Variants in TSPAN1 observed in about 807,000 individuals in gnomAD.
TSPAN1 encodes tetraspanin-1.
Under a neutral mutation model 26.9 loss-of-function variants are expected in TSPAN1, and 23 were observed. That is an observed-to-expected ratio of 0.85 (90% confidence interval 0.62 to 1.21). The LOEUF is 1.21. Ranked by LOEUF, TSPAN1 falls within the 50% of genes most tolerant of loss-of-function variation. The pLI is 0.00. For missense variants in TSPAN1, 283 were observed against 298.4 expected, an observed-to-expected ratio of 0.95 and a Z score of 0.38; for synonymous variants, 115 against 114.8, an observed-to-expected ratio of 1.00 and a Z score of -0.01.
the TSPAN1 span, chr1:46,195,697 T>G: frequency 1.0e-6 from 1 of 982,734 alleles, no homozygotes; most frequent in Non-Finnish European, 1.6e-6. Flanking sequence ...GGAACCTGAG[T>G]AACCTTCCTT....
At chr1:46,189,862 G>A (rs537349651), downstream of TSPAN1, 1 of 1,613,788 alleles carries the variant, frequency 6.2e-7, no homozygotes, top group Non-Finnish European at 8.5e-7. Flanking sequence ...ACCTTGGCAA[G>A]CTGGGTCCAG....
At chr1:46,181,078 C>T (rs759020264) in intron 2 of TSPAN1, 22 bp from the exon 3 acceptor site, 3 of 1,612,588 alleles carry the variant, frequency 1.9e-6, no homozygotes, top group Non-Finnish European at 2.5e-6. Flanking sequence ...AAGGCCCTAA[C>T]TTGCACATGT....
chr1:46,189,687 G>A, downstream of TSPAN1: 2 of 1,539,206 alleles, frequency 1.3e-6, no homozygotes, highest in South Asian at 1.2e-5. Flanking sequence ...GTAAGAGATA[G>A]CATCTTTTAG....
the TSPAN1 span, chr1:46,193,680 C>T: frequency 2.5e-6 from 4 of 1,613,222 alleles, no homozygotes; most frequent in East Asian, 2.2e-5. Flanking sequence ...TTCATCACCC[C>T]TCAACTCAGG....
At chr1:46,176,051 A>AT (rs747066546) in intron 1 of TSPAN1, among the ~76,000 whole-genome samples, 1 of 151,604 alleles carries the variant, frequency 6.6e-6, no homozygotes, top group South Asian at 2.1e-4. Context: ...TTTTTTTTGT[A>AT]TTTTTAGTAG....
chr1:46,194,184 G>A, the TSPAN1 span: 1 of 1,608,586 alleles, frequency 6.2e-7, no homozygotes. Context: ...CCCAGGCTCA[G>A]GTAGGGAAAG....
At position 46,185,476 on chromosome 1, in the gene TSPAN1, C is replaced by T. The variant is rs1215044943; in HGVS notation, c.679-10C>T. 6.2e-7 allele frequency: 1 copy of T among 1,614,184 alleles called. No individual in the cohort carries two copies. The highest frequency in any genetic ancestry group is 1.7e-5 in the Admixed American group (1 of 60,022). On this transcript the variant is annotated splice_polypyrimidine_tract_variant and intron_variant, in intron 8 of 8. Transcript: ENST00000372003. ...TGTTCCCTCATCTCTCCCTGTTCCT[C>T]CCTCTCCAGCTGGCTGCCATGATTG...
chr1:46,193,154 G>A, the TSPAN1 span: 1 of 1,614,112 alleles, frequency 6.2e-7, no homozygotes, highest in Non-Finnish European at 8.5e-7. Context: ...AGGCCCAAGA[G>A]TTGTATCCTT....
At chr1:46,192,303 G>T in the TSPAN1 span, 1 of 1,614,170 alleles carries the variant, frequency 6.2e-7, no homozygotes, top group South Asian at 1.1e-5. Context: ...TACCCTGACA[G>T]TTACCTTTTC....
chr1:46,188,912 C>A (rs1330908649), downstream of TSPAN1: 1 of 1,612,838 alleles, frequency 6.2e-7, no homozygotes, highest in Non-Finnish European at 8.5e-7. Flanking sequence ...GAAATCCAGG[C>A]CCTCCAGGTT....
chr1:46,182,651 A>C (rs998070023), intron 3 of TSPAN1, among the ~76,000 whole-genome samples: 53 of 152,206 alleles, frequency 3.5e-4, no homozygotes, highest in Non-Finnish European at 5.1e-4. Flanking sequence ...CGGAGGTTGC[A>C]GTGAGCCAAG....
intron 1 of TSPAN1, among the ~76,000 whole-genome samples, chr1:46,179,653 A>G (rs575372416): frequency 5.9e-5 from 9 of 152,276 alleles, no homozygotes; most frequent in African/African-American, 2.2e-4. Context: ...CAGCCCCACT[A>G]GGAGTAACAA....
At chr1:46,196,049 C>A in the TSPAN1 span, 1 of 1,613,962 alleles carries the variant, frequency 6.2e-7, no homozygotes, top group Non-Finnish European at 8.5e-7. This position sits in a 1 kb window ranked among gnomAD's most constrained non-coding sequence, Gnocchi z 4.4. Flanking sequence ...GATGCCCCGG[C>A]CCTGCTCCCG....
At position 46,179,964 on chromosome 1, in the gene TSPAN1, AGTGT is replaced by A. The variant is rs141816531; in HGVS notation, c.-141-541_-141-538del. Among the ~76,000 whole-genome samples the A allele has an allele frequency of 5.1e-3, 749 of 146,868 alleles. 3 individuals carry two copies. Among genetic ancestry groups the A allele is most frequent in the African/African-American group, 0.016 (656 of 39,822 alleles). Reference sequence around the variant, plus strand: ...GAGAGACAGAGAAAGAGAAAGAGGGAGTGTGTGTGTGTGTGTGTGTGTGTTTGTG... The same window carrying A: ...GAGAGACAGAGAAAGAGAAAGAGGGAGTGTGTGTGTGTGTGTGTGTTTGTG... On this transcript the variant is annotated intron_variant, in intron 1 of 8. Transcript: ENST00000372003.
At chr1:46,190,592 G>A (rs1657687426), downstream of TSPAN1, 6 of 1,532,814 alleles carry the variant, frequency 3.9e-6, no homozygotes, top group Non-Finnish European at 5.4e-6. Flanking sequence ...AGCAGGGCAA[G>A]GGGTCACATG....
At chr1:46,184,519 C>CG (rs35321971) in intron 4 of TSPAN1, 75 bp from the exon 5 acceptor site, 174,325 of 1,557,018 alleles carry the variant, frequency 0.11, 7,637 homozygotes, top group Admixed American at 0.27. Flanking sequence ...CTCACTTTTC[C>CG]GGGGGGGGGA....
the TSPAN1 span, chr1:46,194,685 C>T: frequency 1.2e-6 from 2 of 1,614,252 alleles, no homozygotes; most frequent in East Asian, 2.2e-5. Flanking sequence ...CCATGGGGGC[C>T]CAGACACCAG....
At chr1:46,187,819 C>A (rs1031240454), downstream of TSPAN1, among the ~76,000 whole-genome samples, 2 of 152,132 alleles carry the variant, frequency 1.3e-5, no homozygotes, top group Admixed American at 6.5e-5. Flanking sequence ...TATGTCCAAG[C>A]GACATACCAC....
At chr1:46,190,390 C>G (rs1172162413), downstream of TSPAN1, 5 of 1,496,500 alleles carry the variant, frequency 3.3e-6, no homozygotes, top group African/African-American at 1.4e-5. Context: ...TCATTTTGCA[C>G]AGGACCCTGT....
Sources: allele counts gnomAD v4.1 joint callset (sites outside exome capture counted in the v4.1 genomes callset), GRCh38; gene constraint gnomAD v4.1.1; non-coding constraint Gnocchi (gnomAD v3.1); transcripts MANE v1.5; gene names NCBI Gene and HGNC (gene_info 2026-07-23, HGNC 2026-07-21).